Variants in AKAP7 observed in about 807,000 individuals in gnomAD.
AKAP7 encodes A-kinase anchoring protein 7.
A neutral mutation model predicts 39.5 loss-of-function variants in AKAP7; 39 were observed. The ratio of observed to expected loss-of-function variants is 0.99; its 90% CI spans 0.76 to 1.29. AKAP7 has a LOEUF of 1.29. AKAP7 is among the 50% of genes most tolerant of loss of function. The probability of loss-of-function intolerance (pLI) is 0.00; values close to 1 mark genes in which losing one functional copy is unlikely to be tolerated. For synonymous variants in AKAP7, 140 were observed against 139.1 expected (o/e 1.01, Z -0.05); for missense variants, 414 against 407.7 (o/e 1.02, Z -0.13).
At chr6:131,228,378 G>A (rs1325960442) in intron 7 of AKAP7, among the ~76,000 whole-genome samples, 7 of 152,144 alleles carry the variant, frequency 4.6e-5, no homozygotes, top group South Asian at 2.1e-4. Flanking sequence ...GGGCATTGGC[G>A]ATAGATATGT....
At chr6:131,220,493 C>A (rs188831514) in intron 7 of AKAP7, among the ~76,000 whole-genome samples, 1 of 152,158 alleles carries the variant, frequency 6.6e-6, no homozygotes. Context: ...TCAAACCAGA[C>A]ACTATTCTTT....
At chr6:131,253,758 T>G (rs1244596031) in intron 7 of AKAP7, among the ~76,000 whole-genome samples, 1 of 152,166 alleles carries the variant, frequency 6.6e-6, no homozygotes, top group Non-Finnish European at 1.5e-5. Flanking sequence ...TTATTTCACT[T>G]CCTGTAATGA....
the AKAP7 span, among the ~76,000 whole-genome samples, chr6:131,127,804 AG>A: frequency 6.6e-6 from 1 of 152,242 alleles, no homozygotes; most frequent in South Asian, 2.1e-4. Context: ...GACTGCATAA[AG>A]AAAATATAGT....
intron 2 of AKAP7, among the ~76,000 whole-genome samples, chr6:131,151,163 C>T (rs1425054686): frequency 6.6e-6 from 1 of 151,906 alleles, no homozygotes; most frequent in Non-Finnish European, 1.5e-5. Context: ...CTGCCTCAGC[C>T]TCCCGAGTAG....
chr6:131,189,805 A>G (rs912721547), intron 5 of AKAP7, among the ~76,000 whole-genome samples: 2 of 152,092 alleles, frequency 1.3e-5, no homozygotes, highest in African/African-American at 4.8e-5. Flanking sequence ...TCTTCAGACA[A>G]TTTTCATCTT....
At chr6:131,173,534 A>C (rs1211879378) in intron 5 of AKAP7, among the ~76,000 whole-genome samples, 1 of 152,036 alleles carries the variant, frequency 6.6e-6, no homozygotes, top group African/African-American at 2.4e-5. Flanking sequence ...ATTTTTAGGG[A>C]TAGGGTGAAG....
At chr6:131,219,509 C>A in intron 6 of AKAP7, 152 bp from the exon 7 acceptor site, 1 of 602,458 alleles carries the variant, frequency 1.7e-6, no homozygotes, top group Non-Finnish European at 2.7e-6. Context: ...AACTTCACAA[C>A]AATTTTATTG....
chr6:131,265,462 T>C (rs1420488242), intron 7 of AKAP7, among the ~76,000 whole-genome samples: 1 of 152,168 alleles, frequency 6.6e-6, no homozygotes, highest in Non-Finnish European at 1.5e-5. Flanking sequence ...CCCTGTGGTG[T>C]AGAACTACTG....
At chr6:131,178,838 G>A (rs1804829974) in intron 5 of AKAP7, among the ~76,000 whole-genome samples, 1 of 152,122 alleles carries the variant, frequency 6.6e-6, no homozygotes, top group Non-Finnish European at 1.5e-5. Flanking sequence ...CCTCCTTGCT[G>A]TAGCCCACAA....
chr6:131,190,216 A>G (rs1336131718), intron 5 of AKAP7, among the ~76,000 whole-genome samples: 1 of 152,250 alleles, frequency 6.6e-6, no homozygotes, highest in Non-Finnish European at 1.5e-5. Context: ...GCACATTAAT[A>G]AAAATCAAAA....
intron 5 of AKAP7, among the ~76,000 whole-genome samples, chr6:131,189,112 G>C (rs534751981): frequency 1.1e-3 from 168 of 152,288 alleles, no homozygotes; most frequent in Middle Eastern, 3.4e-3. Flanking sequence ...TGTTACCCTT[G>C]TGATCCTGTG....
chr6:131,194,226 G>A (rs569885715), intron 5 of AKAP7, among the ~76,000 whole-genome samples: 22 of 151,468 alleles, frequency 1.5e-4, no homozygotes, highest in Non-Finnish European at 2.1e-4. Context: ...GGATTTTGTT[G>A]GTATGTTGTA....
intron 6 of AKAP7, among the ~76,000 whole-genome samples, chr6:131,217,760 T>G (rs186036525): frequency 6.6e-6 from 1 of 152,326 alleles, no homozygotes; most frequent in African/African-American, 2.4e-5. Context: ...AAAAATGACA[T>G]TTTACAAAAC....
At chr6:131,265,077 A>G (rs1813670285) in intron 7 of AKAP7, among the ~76,000 whole-genome samples, 1 of 152,224 alleles carries the variant, frequency 6.6e-6, no homozygotes, top group Non-Finnish European at 1.5e-5. Context: ...CCATATTAAT[A>G]GCTCATTTTA....
chr6:131,129,257 A>G, the AKAP7 span, among the ~76,000 whole-genome samples: 1 of 147,030 alleles, frequency 6.8e-6, no homozygotes, highest in East Asian at 2.0e-4. Context: ...ACTGCACTCT[A>G]GCCTGGGTGA....
intron 1 of AKAP7, among the ~76,000 whole-genome samples, chr6:131,136,221 C>T (rs1374637163): frequency 6.6e-6 from 1 of 152,178 alleles, no homozygotes; most frequent in African/African-American, 2.4e-5. Flanking sequence ...TTAGGATTTT[C>T]TGCCAGGTTT....
chr6:131,159,580 G>A (rs528185578), intron 2 of AKAP7, among the ~76,000 whole-genome samples: 2 of 152,310 alleles, frequency 1.3e-5, no homozygotes, highest in African/African-American at 4.8e-5. Flanking sequence ...CTTAATTTTT[G>A]CAACAAATAG....
At chr6:131,158,293 G>T (rs940223330) in intron 2 of AKAP7, among the ~76,000 whole-genome samples, 8 of 152,144 alleles carry the variant, frequency 5.3e-5, no homozygotes, top group African/African-American at 1.9e-4. Context: ...ACAGGCATTG[G>T]GCTGTGGGTT....
intron 7 of AKAP7, among the ~76,000 whole-genome samples, chr6:131,233,717 G>A (rs895282902): frequency 1.3e-5 from 2 of 152,098 alleles, no homozygotes; most frequent in African/African-American, 4.8e-5. Flanking sequence ...CTAGAACAAG[G>A]TGTTAAGGGA....
Sources: allele counts gnomAD v4.1 joint callset (sites outside exome capture counted in the v4.1 genomes callset), GRCh38; gene constraint gnomAD v4.1.1; transcripts MANE v1.5; gene names NCBI Gene and HGNC (gene_info 2026-07-23, HGNC 2026-07-21).